Variants in PRKG1 observed in about 807,000 individuals in gnomAD.
The protein encoded by PRKG1 is cGMP-dependent protein kinase 1.
Under a neutral mutation model 88.1 loss-of-function variants are expected in PRKG1, and 35 were observed. The ratio of observed to expected loss-of-function variants is 0.40; its 90% CI spans 0.30 to 0.53. PRKG1 has a LOEUF of 0.53. PRKG1 is among the 20% of genes least tolerant of loss of function. The probability of loss-of-function intolerance (pLI) is 0.59; values close to 1 mark genes in which losing one functional copy is unlikely to be tolerated. For missense variants in PRKG1, 540 were observed against 839.8 expected (o/e 0.64, Z 4.41); for synonymous variants, 303 against 292.5 (o/e 1.04, Z -0.37).
At position 52,208,899 on chromosome 10, in the gene PRKG1, T is replaced by A. The variant is rs1427643300; in HGVS notation, c.1077-42671T>A. ...TTTGTCTACAGCTAAATTACTGGCC[T>A]ACTTCAAAACACAATACTAAGACTT... is the stretch of plus-strand genomic sequence containing the variant. On this transcript the variant is annotated intron_variant, in intron 9 of 17. Transcript: ENST00000373980. Among the ~76,000 whole-genome samples the A allele has an allele frequency of 2.6e-5, 4 of 152,220 alleles. 1 individual carries two copies. The highest frequency in any genetic ancestry group is 4.4e-5 in the Non-Finnish European group (3 of 68,042).
intron 3 of PRKG1, among the ~76,000 whole-genome samples, chr10:51,673,119 G>C (rs1026597316): frequency 1.3e-5 from 2 of 152,088 alleles, no homozygotes; most frequent in Admixed American, 1.3e-4. Flanking sequence ...TCATTCTTTT[G>C]TTTAATAAAT....
chr10:51,650,665 A>G (rs1164049709), intron 3 of PRKG1, among the ~76,000 whole-genome samples: 2 of 152,194 alleles, frequency 1.3e-5, no homozygotes, highest in Non-Finnish European at 2.9e-5. Context: ...AGCATTATGT[A>G]GGTTTCTGTG....
At chr10:51,331,273 G>A (rs1841734512) in intron 2 of PRKG1, among the ~76,000 whole-genome samples, 2 of 152,232 alleles carry the variant, frequency 1.3e-5, no homozygotes, top group Admixed American at 6.5e-5. Flanking sequence ...GCCTGCTGCT[G>A]AGGGATGTCC....
At chr10:52,269,562 G>C (rs1433618791) in intron 10 of PRKG1, among the ~76,000 whole-genome samples, 1 of 152,052 alleles carries the variant, frequency 6.6e-6, no homozygotes. Flanking sequence ...GCAGGAACAA[G>C]ACACTTAAGA....
chr10:51,268,565 T>TCAC (rs146838870), intron 2 of PRKG1, among the ~76,000 whole-genome samples: 41,904 of 151,938 alleles, frequency 0.28, 5,980 homozygotes, highest in African/African-American at 0.34. Flanking sequence ...TCTGCCCGGC[T>TCAC]CAGCAGTCAG....
At chr10:51,472,183 G>A (rs1251870396) in intron 3 of PRKG1, among the ~76,000 whole-genome samples, 4 of 151,808 alleles carry the variant, frequency 2.6e-5, no homozygotes, top group Non-Finnish European at 5.9e-5. Flanking sequence ...ATTTTACTAA[G>A]TGTCATAGAT....
At chr10:52,010,890 G>T (rs190903915) in intron 5 of PRKG1, among the ~76,000 whole-genome samples, 1 of 152,282 alleles carries the variant, frequency 6.6e-6, no homozygotes, top group East Asian at 1.9e-4. Flanking sequence ...TTGTGATTGT[G>T]GTGCTGAAGC....
At chr10:51,227,703 A>T (rs924535490) in intron 2 of PRKG1, among the ~76,000 whole-genome samples, 2 of 152,208 alleles carry the variant, frequency 1.3e-5, no homozygotes, top group African/African-American at 4.8e-5. Flanking sequence ...GTTCAGCAAC[A>T]GCGAAGGGAA....
At chr10:51,962,401 C>T (rs1479351829) in intron 5 of PRKG1, among the ~76,000 whole-genome samples, 2 of 152,028 alleles carry the variant, frequency 1.3e-5, no homozygotes, top group African/African-American at 4.8e-5. Flanking sequence ...TATGACTGTT[C>T]TGTGAATTCC....
chr10:51,370,983 T>G (rs943288468), intron 2 of PRKG1, among the ~76,000 whole-genome samples: 3 of 152,156 alleles, frequency 2.0e-5, no homozygotes, highest in Non-Finnish European at 4.4e-5. Context: ...TTGTGTGCCC[T>G]ACACCCTCTA....
chr10:52,063,926 G>C (rs1200893498), intron 7 of PRKG1, among the ~76,000 whole-genome samples: 1 of 152,148 alleles, frequency 6.6e-6, no homozygotes, highest in East Asian at 1.9e-4. Flanking sequence ...TAAGCCTGGG[G>C]CTTTTATGGG....
At chr10:51,158,841 T>G (rs939292958) in intron 2 of PRKG1, among the ~76,000 whole-genome samples, 4 of 152,090 alleles carry the variant, frequency 2.6e-5, no homozygotes, top group African/African-American at 9.7e-5. Context: ...AAGGAACAAT[T>G]CTTTCAAGTT....
intron 3 of PRKG1, among the ~76,000 whole-genome samples, chr10:51,535,055 G>A (rs1842113129): frequency 6.6e-6 from 1 of 152,116 alleles, no homozygotes; most frequent in Non-Finnish European, 1.5e-5. Context: ...AGTTTTTTGG[G>A]AAAGGATAGG....
chr10:52,034,783 T>A (rs886964172), intron 5 of PRKG1, among the ~76,000 whole-genome samples: 4 of 152,102 alleles, frequency 2.6e-5, no homozygotes, highest in African/African-American at 9.7e-5. Context: ...TGACAAGTTT[T>A]TTGCGGCACA....
rs74783925 is a variant in PRKG1 at position 52,249,691 on chromosome 10, C to T, written c.1077-1879C>T. Among the ~76,000 whole-genome samples the T allele has an allele frequency of 1.2e-4, 19 of 152,070 alleles. No individual in the cohort carries two copies. In the East Asian group the frequency reaches 2.3e-3, roughly 19 times the overall value. ...CCTGTTTGTTAGCTGGGCGTAGTGACGCACACGTGTAATCCCAGCTACTTG... is the reference window on the plus strand; with the variant it reads ...CCTGTTTGTTAGCTGGGCGTAGTGATGCACACGTGTAATCCCAGCTACTTG... On this transcript the variant is annotated intron_variant, in intron 9 of 17. Coordinates refer to ENST00000373980, the MANE Select transcript of PRKG1 (RefSeq NM_006258.4).
At chr10:51,526,120 A>C (rs187717807) in intron 3 of PRKG1, among the ~76,000 whole-genome samples, 7 of 152,260 alleles carry the variant, frequency 4.6e-5, no homozygotes, top group Admixed American at 3.3e-4. Context: ...ATGCCCAGTC[A>C]CTTCGCTACT....
At chr10:51,584,753 G>T (rs139343896) in intron 3 of PRKG1, among the ~76,000 whole-genome samples, 2 of 152,152 alleles carry the variant, frequency 1.3e-5, no homozygotes, top group African/African-American at 4.8e-5. Flanking sequence ...TTACAGTTCA[G>T]AAAATTGAGG....
At chr10:51,807,869 C>T (rs889825114) in intron 4 of PRKG1, among the ~76,000 whole-genome samples, 1 of 152,110 alleles carries the variant, frequency 6.6e-6, no homozygotes, top group Non-Finnish European at 1.5e-5. Context: ...GTTTCTATGG[C>T]TTGCCTCAGG....
chr10:51,486,914 A>G (rs1326913702), intron 3 of PRKG1, among the ~76,000 whole-genome samples: 1 of 152,106 alleles, frequency 6.6e-6, no homozygotes, highest in Non-Finnish European at 1.5e-5. Flanking sequence ...ATTGTCCTTC[A>G]AGAGGTGATC....
Sources: gnomAD v4.1 joint callset for allele counts (sites outside exome capture counted in the v4.1 genomes callset) on GRCh38, gnomAD v4.1.1 for gene constraint, MANE v1.5 for transcripts, NCBI Gene and HGNC (gene_info 2026-07-23, HGNC 2026-07-21) for gene names.